PROS1: variants seen among roughly 807,000 people sequenced by gnomAD.
PROS1 encodes the protein vitamin K-dependent protein S.
Under a neutral mutation model 75.9 loss-of-function variants are expected in PROS1, and 29 were observed. That is an observed-to-expected ratio of 0.38 (90% CI 0.28 to 0.52). The LOEUF (loss-of-function observed/expected upper bound fraction) is 0.52, where lower values mean the gene tolerates loss of function less well. Ranked by LOEUF, PROS1 falls within the 20% of genes least tolerant of loss-of-function variation. PROS1 has a pLI of 0.83. For missense variants in PROS1, 680 were observed against 810.3 expected, an observed-to-expected ratio of 0.84 and a Z score of 1.95; for synonymous variants, 245 against 280.6, an observed-to-expected ratio of 0.87 and a Z score of 1.27.
At chr3:93,881,416 T>C (rs1224353098) in intron 12 of PROS1, among the ~76,000 whole-genome samples, 5 of 152,142 alleles carry the variant, frequency 3.3e-5, no homozygotes, top group Non-Finnish European at 7.4e-5. Context: ...GGGTATCATG[T>C]TCACTATTTG....
intron 1 of PROS1, among the ~76,000 whole-genome samples, chr3:93,947,015 A>G (rs753982213): frequency 6.6e-6 from 1 of 152,208 alleles, no homozygotes; most frequent in Admixed American, 6.5e-5. Flanking sequence ...AAGGTTACGA[A>G]CAGAAACTTC....
At chr3:93,890,922 A>G (rs1199351752) in intron 10 of PROS1, among the ~76,000 whole-genome samples, 2 of 152,076 alleles carry the variant, frequency 1.3e-5, no homozygotes, top group Non-Finnish European at 2.9e-5. Context: ...CCTGGCCAAC[A>G]TGGTGAAACC....
rs140372367 is a variant in PROS1 at position 93,923,622 on chromosome 3, T to C, written c.259+618A>G. Among the ~76,000 whole-genome samples, 507 of 152,306 alleles carry C rather than the reference T, an allele frequency of 3.3e-3. 4 individuals are homozygous for C. Among genetic ancestry groups the C allele is most frequent in the African/African-American group, 0.012 (491 of 41,576 alleles). On this transcript the variant is annotated intron_variant, in intron 3 of 14. Coordinates refer to ENST00000394236, the MANE Select transcript of PROS1 (RefSeq NM_000313.4). ...CCTTTTAAAATACAGCAGCTAAGGC[T>C]GGGCAGGGTGGGTCATGCCTGTAAT...
At chr3:93,935,566 C>T (rs1348475401) in intron 1 of PROS1, among the ~76,000 whole-genome samples, 3 of 152,072 alleles carry the variant, frequency 2.0e-5, no homozygotes, top group Non-Finnish European at 4.4e-5. Flanking sequence ...TTTGCAATAT[C>T]GCCCTACTTG....
intron 1 of PROS1, among the ~76,000 whole-genome samples, chr3:93,973,311 GTGTT>G (rs1709909530): frequency 6.6e-6 from 1 of 152,134 alleles, no homozygotes; most frequent in Admixed American, 6.5e-5. Context: ...AAGACACAGT[GTGTT>G]ACCTTTTCTT....
At position 93,877,237 on chromosome 3, in the gene PROS1, A is replaced by C. The variant is rs778123328; in HGVS notation, c.1645-46T>G. The C allele has an allele frequency of 9.8e-6, 14 of 1,425,180 alleles. 1 individual carries two copies. The highest frequency in any genetic ancestry group is 1.4e-5 in the Non-Finnish European group (14 of 1,013,260). 88.3% of individuals were successfully genotyped at this position (1,425,180 alleles called of 1,614,324 possible). ...TCAATATAAGCAAGGAGTAAGAGTA[A>C]TGCTGCTTAAGAGTGACTTTTGAGT... On this transcript the variant is annotated intron_variant, in intron 13 of 14. Transcript: ENST00000394236.
At chr3:93,935,293 C>T (rs1030399551) in intron 1 of PROS1, among the ~76,000 whole-genome samples, 1 of 152,058 alleles carries the variant, frequency 6.6e-6, no homozygotes, top group Non-Finnish European at 1.5e-5. Flanking sequence ...TCATGACATG[C>T]AGCAAGATAG....
Position 93,973,837 on chromosome 3 carries a change from C to A in PROS1, c.-88G>T, listed in dbSNP as rs1709931781. The A allele has an allele frequency of 6.6e-6, 8 of 1,207,164 alleles. No individual in the cohort carries two copies. The highest frequency in any genetic ancestry group is 3.1e-5 in the African/African-American group (2 of 63,940). 74.8% of individuals were successfully genotyped at this position (1,207,164 alleles called of 1,614,324 possible). A position where few individuals can be genotyped will look rare whatever the true frequency, so the allele number is the denominator to read the frequency against. On this transcript the variant is annotated 5_prime_UTR_variant, in exon 1 of 15. Transcript: ENST00000394236. ...GGCGCCGCGGAGCTGCGAGCCTGTG[C>A]GCCTCGGTCTGAGCCGTGCTGCGCG...
At chr3:93,912,207 T>G (rs1576190475) in intron 3 of PROS1, among the ~76,000 whole-genome samples, 1 of 152,304 alleles carries the variant, frequency 6.6e-6, no homozygotes, top group African/African-American at 2.4e-5. Context: ...ATTCCTGGGC[T>G]CATGGCCTCA....
chr3:93,962,922 C>A (rs986452792), intron 1 of PROS1, among the ~76,000 whole-genome samples: 2 of 152,194 alleles, frequency 1.3e-5, no homozygotes, highest in African/African-American at 4.8e-5. Flanking sequence ...GATCTATTTA[C>A]CACAGGAGTC....
At chr3:93,951,857 C>T (rs1228165557) in intron 1 of PROS1, among the ~76,000 whole-genome samples, 3 of 152,100 alleles carry the variant, frequency 2.0e-5, no homozygotes, top group South Asian at 4.1e-4. Context: ...CACAGACACA[C>T]ATAGGCTCAA....
intron 6 of PROS1, among the ~76,000 whole-genome samples, chr3:93,904,099 A>G (rs1708638363): frequency 6.6e-6 from 1 of 151,644 alleles, no homozygotes; most frequent in Non-Finnish European, 1.5e-5. Flanking sequence ...GTTTACTGAG[A>G]ATGATGATTT....
intron 1 of PROS1, among the ~76,000 whole-genome samples, chr3:93,964,931 C>T (rs928198414): frequency 6.6e-6 from 1 of 152,164 alleles, no homozygotes; most frequent in African/African-American, 2.4e-5. Context: ...CCTAGGCCAA[C>T]TAAGAATCCC....
chr3:93,900,739 A>G, intron 7 of PROS1, 65 bp downstream of exon 7: 3 of 1,600,910 alleles, frequency 1.9e-6, no homozygotes, highest in Non-Finnish European at 1.7e-6. Context: ...CAATGCTTTT[A>G]AATATCAGTT....
At chr3:93,914,933 T>C (rs1004738811) in intron 3 of PROS1, among the ~76,000 whole-genome samples, 2 of 152,206 alleles carry the variant, frequency 1.3e-5, no homozygotes, top group African/African-American at 4.8e-5. Flanking sequence ...TGTTTGGTTT[T>C]CCATTCCTGA....
In PROS1 at chr3:93,903,346, TTAAA is replaced by T. The variant is rs777066426; in HGVS notation, c.602-2421_602-2418del. On this transcript the variant is annotated intron_variant, in intron 6 of 14. Coordinates refer to ENST00000394236, the MANE Select transcript of PROS1 (RefSeq NM_000313.4). ...TGTGTATTAACTGAGTGGATAAGAA[TTAAA>T]TACTTTTTAATTTTTAAAAAGTCAC... Among the ~76,000 whole-genome samples, 158 of 152,282 alleles carry T rather than the reference TTAAA, an allele frequency of 1.0e-3. 1 individual carries two copies. The highest frequency in any genetic ancestry group is 7.8e-4 in the Non-Finnish European group (53 of 68,032).
intron 1 of PROS1, among the ~76,000 whole-genome samples, chr3:93,942,561 T>C (rs1709305438): frequency 6.6e-6 from 1 of 152,118 alleles, no homozygotes; most frequent in Admixed American, 6.5e-5. Flanking sequence ...TGCCAGTTTT[T>C]CTCTTTCTCA....
intron 1 of PROS1, 46 bp from the exon 2 acceptor site, chr3:93,927,453 A>G (rs748687881): frequency 6.3e-7 from 1 of 1,576,434 alleles, no homozygotes; most frequent in Non-Finnish European, 8.7e-7. Flanking sequence ...TTTTCCATGT[A>G]AAATATATTG....
intron 1 of PROS1, among the ~76,000 whole-genome samples, chr3:93,937,950 C>T (rs1335000490): frequency 6.6e-6 from 1 of 152,154 alleles, no homozygotes; most frequent in Admixed American, 6.5e-5. Flanking sequence ...TTTAACACAG[C>T]TTTAGCAGGA....
Sources: gnomAD v4.1 joint callset for allele counts (sites outside exome capture counted in the v4.1 genomes callset) on GRCh38, gnomAD v4.1.1 for gene constraint, MANE v1.5 for transcripts, NCBI Gene and HGNC (gene_info 2026-07-23, HGNC 2026-07-21) for gene names.